RBM47: variants seen among roughly 807,000 people sequenced by gnomAD.
The protein encoded by RBM47 is RNA-binding protein 47.
RBM47 carries 21 observed loss-of-function variants against 47.1 expected under a neutral mutation model. The ratio of observed to expected loss-of-function variants is 0.45; its 90% CI spans 0.32 to 0.64. The LOEUF is 0.64. Ranked by LOEUF, RBM47 falls within the 30% of genes least tolerant of loss-of-function variation. The pLI is 0.05. For missense variants in RBM47, 708 were observed against 870.9 expected (o/e 0.81, Z 2.35); for synonymous variants, 375 against 361.7 (o/e 1.04, Z -0.42).
At chr4:40,616,454 T>G (rs1257387793) in intron 1 of RBM47, among the ~76,000 whole-genome samples, 1 of 152,226 alleles carries the variant, frequency 6.6e-6, no homozygotes, top group Non-Finnish European at 1.5e-5. Context: ...CGCAATCATT[T>G]TTTTTAGAAT....
chr4:40,626,733 G>A (rs762265606), intron 1 of RBM47, among the ~76,000 whole-genome samples: 18 of 152,078 alleles, frequency 1.2e-4, no homozygotes, highest in Non-Finnish European at 2.4e-4. Flanking sequence ...CAGAATAGAC[G>A]GGGAAGCAAC....
intron 2 of RBM47, chr4:40,502,125 T>C (rs530465499): frequency 6.5e-5 from 10 of 154,386 alleles, no homozygotes; most frequent in South Asian, 2.0e-4. Flanking sequence ...GTCAGCTCAA[T>C]AGAATGAATT....
chr4:40,457,436 A>C (rs373798973), intron 3 of RBM47, among the ~76,000 whole-genome samples: 3 of 151,700 alleles, frequency 2.0e-5, no homozygotes, highest in Non-Finnish European at 2.9e-5. Context: ...AAAAAAAAAA[A>C]AACAAAAAAA....
intron 3 of RBM47, among the ~76,000 whole-genome samples, chr4:40,447,835 C>G (rs1714769682): frequency 6.6e-6 from 1 of 152,118 alleles, no homozygotes; most frequent in Non-Finnish European, 1.5e-5. Context: ...ACAGTGAAAC[C>G]CCATCTCTAC....
chr4:40,485,812 C>T (rs957738244), intron 2 of RBM47, among the ~76,000 whole-genome samples: 2 of 150,950 alleles, frequency 1.3e-5, no homozygotes, highest in Admixed American at 1.3e-4. Flanking sequence ...GTAATCCTAG[C>T]ATTTTGGGAG....
At chr4:40,594,829 G>T (rs1247909657) in intron 1 of RBM47, among the ~76,000 whole-genome samples, 3 of 151,988 alleles carry the variant, frequency 2.0e-5, no homozygotes, top group Non-Finnish European at 4.4e-5. Context: ...TCTCTACCTT[G>T]ATTTTTTACC....
chr4:40,440,609 G>A (rs1278078653), intron 3 of RBM47, among the ~76,000 whole-genome samples: 1 of 152,166 alleles, frequency 6.6e-6, no homozygotes. Context: ...TCCTTTTGTG[G>A]TTAATTTGCT....
At chr4:40,509,865 AGAGT>A (rs553981527) in intron 2 of RBM47, among the ~76,000 whole-genome samples, 122 of 146,586 alleles carry the variant, frequency 8.3e-4, no homozygotes, top group South Asian at 7.3e-3. Context: ...CCTGGGCGAC[AGAGT>A]GAGACTCCGT....
intron 3 of RBM47, among the ~76,000 whole-genome samples, chr4:40,450,250 C>G (rs752778829): frequency 2.0e-5 from 3 of 152,098 alleles, no homozygotes; most frequent in Non-Finnish European, 4.4e-5. Flanking sequence ...GCCACAGTGG[C>G]TTCTATCATT....
intron 3 of RBM47, among the ~76,000 whole-genome samples, chr4:40,452,277 G>A (rs1283958104): frequency 6.6e-6 from 1 of 152,088 alleles, no homozygotes; most frequent in Non-Finnish European, 1.5e-5. Flanking sequence ...CTGAAATGTA[G>A]GAGGTGGATA....
chr4:40,569,362 G>C (rs1421781589), intron 1 of RBM47, among the ~76,000 whole-genome samples: 3 of 151,708 alleles, frequency 2.0e-5, no homozygotes, highest in Non-Finnish European at 4.4e-5. Flanking sequence ...AGTAGAACGA[G>C]AGCATCAGTG....
At chr4:40,587,401 C>CA (rs1733693300) in intron 1 of RBM47, among the ~76,000 whole-genome samples, 1 of 152,158 alleles carries the variant, frequency 6.6e-6, no homozygotes, top group East Asian at 1.9e-4. Flanking sequence ...CACTTTCCCT[C>CA]AGTCTCCAAA....
chr4:40,425,485 G>C lies in RBM47; in HGVS notation c.*419C>G, dbSNP rs754978233. ...ATATATTTTTCAAAATAGTTCCCTA[G>C]CTCCTCAAGTGTGCTTTTTTAATAT... On this transcript the variant is annotated 3_prime_UTR_variant, in exon 7 of 7. Coordinates refer to ENST00000295971, the MANE Select transcript of RBM47 (RefSeq NM_001098634.2). 5.9e-4 allele frequency: 93 copies of C among 156,350 alleles called. No homozygotes were observed. Among genetic ancestry groups the C allele is most frequent in the Non-Finnish European group, 9.0e-4 (63 of 70,322 alleles). The allele number at this position is 156,350 out of a possible 1,614,324, so 9.7% of individuals were successfully genotyped here.
intron 1 of RBM47, among the ~76,000 whole-genome samples, chr4:40,583,144 C>G (rs372970196): frequency 6.6e-6 from 1 of 152,006 alleles, no homozygotes; most frequent in Admixed American, 6.6e-5. Flanking sequence ...AAGGTCAGGC[C>G]GGCCAAGCAC....
At chr4:40,623,355 T>C (rs1307190971) in intron 1 of RBM47, among the ~76,000 whole-genome samples, 1 of 152,250 alleles carries the variant, frequency 6.6e-6, no homozygotes, top group Non-Finnish European at 1.5e-5. Context: ...GAGGCAATTC[T>C]TCTAATACTT....
intron 1 of RBM47, among the ~76,000 whole-genome samples, chr4:40,599,257 C>CAAAA (rs11445088): frequency 3.9e-5 from 5 of 128,058 alleles, no homozygotes; most frequent in African/African-American, 1.5e-4. Flanking sequence ...GACTCCGTCT[C>CAAAA]AAAAAAAAAA....
chr4:40,619,558 G>A (rs1192716796), intron 1 of RBM47, among the ~76,000 whole-genome samples: 2 of 152,122 alleles, frequency 1.3e-5, no homozygotes, highest in Non-Finnish European at 2.9e-5. Flanking sequence ...CCTCCTTGCT[G>A]GGCACTTTGC....
At chr4:40,621,845 T>C (rs898110866) in intron 1 of RBM47, among the ~76,000 whole-genome samples, 2 of 152,216 alleles carry the variant, frequency 1.3e-5, no homozygotes, top group African/African-American at 2.4e-5. Context: ...GCTGAAACGA[T>C]TGCGACATCC....
In RBM47 at chr4:40,557,059, T is replaced by C. The variant is rs28628441; in HGVS notation, c.-239-12553A>G. ...CCCTAATGTCCAGAATGCAGAGCAA[T>C]TATAATTTATGCTTCAACTTTTCTG... is the stretch of plus-strand genomic sequence containing the variant. On this transcript the variant is annotated intron_variant, in intron 1 of 6. Transcript: ENST00000295971. Among the ~76,000 whole-genome samples, 972 of 152,180 alleles carry C rather than the reference T, an allele frequency of 6.4e-3. 11 individuals are homozygous for C. The highest frequency in any genetic ancestry group is 0.023 in the African/African-American group (936 of 41,508).
Sources: allele counts gnomAD v4.1 joint callset (sites outside exome capture counted in the v4.1 genomes callset), GRCh38; gene constraint gnomAD v4.1.1; transcripts MANE v1.5; gene names NCBI Gene and HGNC (gene_info 2026-07-23, HGNC 2026-07-21).